The following PHIP variants were observed in gnomAD, a reference collection of about 807,000 sequenced individuals.
The protein encoded by PHIP is PH-interacting protein.
PHIP carries 54 observed loss-of-function variants against 236.8 expected under a neutral mutation model. The observed-to-expected ratio is 0.23, with a 90% CI of 0.18 to 0.29. The LOEUF (loss-of-function observed/expected upper bound fraction) is 0.29. Among genes scored for constraint, PHIP ranks in the 10% least tolerant of loss-of-function variants. The pLI is 1.00. For synonymous variants in PHIP, 756 were observed against 718.9 expected (o/e 1.05, Z -0.83); for missense variants, 1,370 against 2,190.8 (o/e 0.63, Z 7.48).
In PHIP at chr6:79,077,926, G is replaced by C. The variant is rs779411112; in HGVS notation, c.41-13C>G. ...AGGAAGTAGAGCTCTGCGCGGGAGA[G>C]AGGGACGGGGAGACACACAGGCTGA... is the stretch of plus-strand genomic sequence containing the variant. On this transcript the variant is annotated splice_polypyrimidine_tract_variant and intron_variant, in intron 1 of 39. Coordinates refer to ENST00000275034, the MANE Select transcript of PHIP (RefSeq NM_017934.7). 2 of 1,593,844 alleles carry C rather than the reference G, an allele frequency of 1.3e-6. No individual in the cohort carries two copies.
intron 7 of PHIP, among the ~76,000 whole-genome samples, chr6:79,037,397 C>G (rs1771993472): frequency 6.6e-6 from 1 of 152,170 alleles, no homozygotes; most frequent in Non-Finnish European, 1.5e-5. Context: ...TCTGAGAACA[C>G]AACGTCAACA....
At position 79,018,495 on chromosome 6, in the gene PHIP, C is replaced by T. The variant is rs184164021; in HGVS notation, c.994+594G>A. Among the ~76,000 whole-genome samples the T allele has an allele frequency of 6.4e-4, 97 of 152,044 alleles. 1 individual carries two copies. The South Asian group carries it at 8.1e-3, about 13-fold the overall frequency. On this transcript the variant is annotated intron_variant, in intron 10 of 39. Transcript: ENST00000275034. ...GTATTAGACACTATTTGGATCTACTCATGTTTCATTTAATTTTCTTATCAA... is the reference window on the plus strand; with the variant it reads ...GTATTAGACACTATTTGGATCTACTTATGTTTCATTTAATTTTCTTATCAA...
intron 9 of PHIP, among the ~76,000 whole-genome samples, chr6:79,019,435 C>T (rs557645169): frequency 6.6e-6 from 1 of 152,046 alleles, no homozygotes; most frequent in Non-Finnish European, 1.5e-5. Context: ...ACTAGTTACA[C>T]TTACTTCTAA....
intron 4 of PHIP, among the ~76,000 whole-genome samples, chr6:79,074,974 T>C (rs1432788792): frequency 1.3e-5 from 2 of 152,146 alleles, no homozygotes; most frequent in African/African-American, 4.8e-5. Context: ...GCTCAGTTTA[T>C]TAGTTAATAC....
intron 29 of PHIP, among the ~76,000 whole-genome samples, 171 bp from the exon 30 acceptor site, chr6:78,963,423 A>T (rs1766921806): frequency 6.6e-6 from 1 of 152,166 alleles, no homozygotes; most frequent in African/African-American, 2.4e-5. Flanking sequence ...CTAAAATTTA[A>T]ATTAATTTTT....
chr6:79,029,824 A>C (rs528421438), intron 7 of PHIP, among the ~76,000 whole-genome samples: 11 of 152,286 alleles, frequency 7.2e-5, no homozygotes, highest in Non-Finnish European at 1.6e-4. Flanking sequence ...AATGTGTTTT[A>C]AATAAATGAG....
At chr6:79,019,972 G>A (rs1201612587) in intron 9 of PHIP, among the ~76,000 whole-genome samples, 1 of 152,046 alleles carries the variant, frequency 6.6e-6, no homozygotes, top group Admixed American at 6.5e-5. Context: ...CCTACTTACT[G>A]TACATTTTGG....
At position 78,939,214 on chromosome 6, in the gene PHIP, T is replaced by C. The variant is rs1456776254; in HGVS notation, c.*1479A>G. On this transcript the variant is annotated 3_prime_UTR_variant, in exon 40 of 40. Transcript: ENST00000275034. ...TTTTCCATAGCAGTACATATAGCAA[T>C]ACATTCTCCTAAGTCATATAGTTAT... 1 of 151,770 alleles carries C rather than the reference T, an allele frequency of 6.6e-6. No homozygotes were observed. The highest frequency in any genetic ancestry group is 1.5e-5 in the Non-Finnish European group (1 of 67,696). 9.4% of individuals were successfully genotyped at this position (151,770 alleles called of 1,614,324 possible).
intron 27 of PHIP, among the ~76,000 whole-genome samples, chr6:78,969,485 G>A (rs539641411): frequency 7.2e-5 from 11 of 152,244 alleles, no homozygotes; most frequent in Middle Eastern, 3.4e-3. Flanking sequence ...AAAAATGTCA[G>A]TTTAGCTTTA....
rs776355940 is a variant in PHIP, at chr6:78,990,874, G to A, written c.2313C>T (p.Val771=). 38 of 1,538,738 alleles carry A rather than the reference G, an allele frequency of 2.5e-5. No homozygotes were observed. Among genetic ancestry groups the A allele is most frequent in the South Asian group, 6.8e-5 (6 of 88,046 alleles). The change falls in exon 20 of 40, where the codon GTC becomes GTT. Residue 771 remains valine (V), a synonymous_variant. Coordinates refer to ENST00000275034, the MANE Select transcript of PHIP (RefSeq NM_017934.7). ...TVPKENKIPT[V]SKNHAHEHFL... ...CAAAATAATTAATATGTACCTTTGA[G>A]ACAGTGGGTATTTTATTCTCTTTTG...
chr6:78,936,564 C>T lies in PHIP; in HGVS notation c.*4129G>A, dbSNP rs1338879228. On this transcript the variant is annotated 3_prime_UTR_variant, in exon 40 of 40. Transcript: ENST00000275034. ...TGAATTGTAGAAACTCAGCCATGCA[C>T]TAAGTATTTGGTCTGTGCCATAAGG... The T allele has an allele frequency of 2.6e-5, 4 of 151,836 alleles. No homozygotes were observed. Among genetic ancestry groups the T allele is most frequent in the Non-Finnish European group, 5.9e-5 (4 of 67,778 alleles). The allele number at this position is 151,836 out of a possible 1,614,324, so 9.4% of individuals were successfully genotyped here.
At chr6:79,027,026 A>G (rs184854235) in intron 7 of PHIP, among the ~76,000 whole-genome samples, 96 of 152,230 alleles carry the variant, frequency 6.3e-4, no homozygotes, top group Non-Finnish European at 7.4e-4. Flanking sequence ...ATACAGTTTT[A>G]CTAAGGGTTC....
intron 24 of PHIP, among the ~76,000 whole-genome samples, chr6:78,973,957 G>T (rs1381149656): frequency 6.6e-6 from 1 of 151,904 alleles, no homozygotes; most frequent in Non-Finnish European, 1.5e-5. Context: ...GTCAACATTA[G>T]ACAGATCAAC....
intron 10 of PHIP, among the ~76,000 whole-genome samples, chr6:79,017,814 C>G (rs1055889591): frequency 1.3e-5 from 2 of 151,814 alleles, no homozygotes; most frequent in African/African-American, 4.8e-5. Flanking sequence ...TAAAGCTTTG[C>G]TCAAAAAATA....
At chr6:79,037,066 T>C (rs905048679) in intron 7 of PHIP, among the ~76,000 whole-genome samples, 11 of 150,860 alleles carry the variant, frequency 7.3e-5, no homozygotes, top group South Asian at 4.2e-4. Flanking sequence ...CCAATAACAA[T>C]ACTGGTAACA....
chr6:78,946,501 A>C, intron 37 of PHIP: 1 of 1,396,478 alleles, frequency 7.2e-7, no homozygotes, highest in Non-Finnish European at 9.2e-7. Flanking sequence ...ATGCTGTTTT[A>C]CTGTATAGAT....
chr6:78,997,408 C>T lies in PHIP; in HGVS notation c.2201+6G>A, dbSNP rs375694250. 338 of 1,613,020 alleles carry T rather than the reference C, an allele frequency of 2.1e-4. No homozygotes were observed. Among genetic ancestry groups the T allele is most frequent in the Non-Finnish European group, 2.7e-4 (314 of 1,179,370 alleles). On this transcript the variant is annotated splice_donor_region_variant and intron_variant, in intron 19 of 39. Transcript: ENST00000275034. ...ATGGTACATAAAAATTCACAACTTC[C>T]CTTACCTGGCTACACCAGCTGATAG...
At chr6:78,943,990 T>TAA (rs558983037) in intron 39 of PHIP, among the ~76,000 whole-genome samples, 1,017 of 78,112 alleles carry the variant, frequency 0.013, 20 homozygotes, top group African/African-American at 0.045. Flanking sequence ...TGTCTTTTTT[T>TAA]AAAAAAAAAA....
At chr6:79,052,532 G>A (rs1424658323) in intron 6 of PHIP, among the ~76,000 whole-genome samples, 1 of 152,170 alleles carries the variant, frequency 6.6e-6, no homozygotes, top group Non-Finnish European at 1.5e-5. Flanking sequence ...AATATACATA[G>A]TAAGATTTAC....
Sources: allele counts gnomAD v4.1 joint callset (sites outside exome capture counted in the v4.1 genomes callset), GRCh38; gene constraint gnomAD v4.1.1; transcripts MANE v1.5; gene names NCBI Gene and HGNC (gene_info 2026-07-23, HGNC 2026-07-21).